Variants in OXCT1 observed in about 807,000 individuals in gnomAD.
OXCT1 encodes the protein 3-oxoacid CoA-transferase 1.
A neutral mutation model predicts 69.6 loss-of-function variants in OXCT1; 27 were observed. The ratio of observed to expected loss-of-function variants is 0.39; its 90% CI spans 0.29 to 0.54. The LOEUF is 0.54. Among genes scored for constraint, OXCT1 ranks in the 20% least tolerant of loss-of-function variants. OXCT1 has a pLI of 0.72. For synonymous variants in OXCT1, 202 were observed against 217.8 expected (o/e 0.93, Z 0.64); for missense variants, 437 against 650.2 (o/e 0.67, Z 3.57).
intron 14 of OXCT1, among the ~76,000 whole-genome samples, chr5:41,755,696 T>C (rs766505739): frequency 3.3e-5 from 5 of 152,128 alleles, no homozygotes; most frequent in Non-Finnish European, 5.9e-5. Context: ...CAAGATAAGA[T>C]AGCTTTCAGC....
intron 13 of OXCT1, among the ~76,000 whole-genome samples, chr5:41,787,634 C>CAAAAAAAAAAAAAAAAAAA (rs765691863): frequency 3.7e-4 from 13 of 34,696 alleles, no homozygotes; most frequent in Admixed American, 5.1e-4. Flanking sequence ...AAGCATTAGG[C>CAAAAAAAAAAAAAAAAAAA]AAAAAAAAAA....
At chr5:41,814,253 G>A (rs1326685070) in intron 7 of OXCT1, among the ~76,000 whole-genome samples, 2 of 152,102 alleles carry the variant, frequency 1.3e-5, no homozygotes, top group African/African-American at 4.8e-5. Context: ...GAAATAAAAT[G>A]GGTCAGTGTC....
At chr5:41,844,971 C>A (rs765576436) in intron 5 of OXCT1, among the ~76,000 whole-genome samples, 1 of 151,820 alleles carries the variant, frequency 6.6e-6, no homozygotes, top group African/African-American at 2.4e-5. Context: ...ACCACCACCC[C>A]AGCAGCCACA....
At chr5:41,858,941 T>C (rs946546030) in intron 3 of OXCT1, among the ~76,000 whole-genome samples, 2 of 152,232 alleles carry the variant, frequency 1.3e-5, no homozygotes, top group Non-Finnish European at 2.9e-5. Flanking sequence ...TCATTTTCTA[T>C]GTGGTTTCAA....
chr5:41,781,653 T>C (rs1745406936), intron 13 of OXCT1, among the ~76,000 whole-genome samples: 1 of 152,144 alleles, frequency 6.6e-6, no homozygotes, highest in Non-Finnish European at 1.5e-5. Context: ...CCCCCAGTGG[T>C]GTCCATGTGT....
intron 15 of OXCT1, among the ~76,000 whole-genome samples, chr5:41,744,689 T>C (rs1006590134): frequency 2.0e-5 from 3 of 152,156 alleles, no homozygotes; most frequent in Non-Finnish European, 4.4e-5. Context: ...TGTCGAATTT[T>C]GTCAAAGGCC....
intron 7 of OXCT1, among the ~76,000 whole-genome samples, chr5:41,820,403 T>C (rs1747490231): frequency 6.6e-6 from 1 of 152,154 alleles, no homozygotes; most frequent in Admixed American, 6.5e-5. Context: ...AAAGAAAATC[T>C]ACTTCTAGAA....
intron 11 of OXCT1, among the ~76,000 whole-genome samples, chr5:41,795,072 G>A (rs890220900): frequency 1.6e-4 from 24 of 152,168 alleles, no homozygotes; most frequent in African/African-American, 5.8e-4. Flanking sequence ...TCCACAGACT[G>A]GGGGATGGGG....
rs560488756 is a variant in OXCT1 at position 41,828,625 on chromosome 5, C to G, written c.732+11826G>C. Reference sequence around the variant, plus strand: ...ACACAAATTTTTTGCACAAGATCTTCCCTTCATAGAAGCCCCAAAACCAGT... The same window carrying G: ...ACACAAATTTTTTGCACAAGATCTTGCCTTCATAGAAGCCCCAAAACCAGT... On this transcript the variant is annotated intron_variant, in intron 7 of 16. Coordinates refer to ENST00000196371, the MANE Select transcript of OXCT1 (RefSeq NM_000436.4). Among the ~76,000 whole-genome samples, 3 of 152,314 alleles carry G rather than the reference C, an allele frequency of 2.0e-5. No homozygotes were observed. The South Asian group carries it at 6.2e-4, about 32-fold the overall frequency.
intron 6 of OXCT1, 75 bp downstream of exon 6, chr5:41,842,600 A>T: frequency 9.5e-7 from 1 of 1,054,804 alleles, no homozygotes; most frequent in Non-Finnish European, 1.5e-6. Flanking sequence ...ATACATTTTT[A>T]AATTCCAAAT....
At chr5:41,781,922 C>G (rs1745422751) in intron 13 of OXCT1, among the ~76,000 whole-genome samples, 1 of 152,080 alleles carries the variant, frequency 6.6e-6, no homozygotes, top group African/African-American at 2.4e-5. Flanking sequence ...ACATAACACA[C>G]ACGTTTCTTT....
At chr5:41,784,409 A>G (rs927222362) in intron 13 of OXCT1, among the ~76,000 whole-genome samples, 4 of 152,216 alleles carry the variant, frequency 2.6e-5, no homozygotes, top group African/African-American at 9.6e-5. Flanking sequence ...CCCACCATGA[A>G]TAAGAGTCAT....
At chr5:41,836,297 G>A (rs957319760) in intron 7 of OXCT1, among the ~76,000 whole-genome samples, 1 of 152,212 alleles carries the variant, frequency 6.6e-6, no homozygotes, top group Non-Finnish European at 1.5e-5. Flanking sequence ...ATGCGCCCAT[G>A]TGCACTATTT....
At chr5:41,775,175 C>T (rs891536804) in intron 13 of OXCT1, among the ~76,000 whole-genome samples, 1 of 152,122 alleles carries the variant, frequency 6.6e-6, no homozygotes, top group Non-Finnish European at 1.5e-5. Flanking sequence ...TCACTTCTGA[C>T]CCTAACTACC....
intron 4 of OXCT1, among the ~76,000 whole-genome samples, chr5:41,850,977 T>C (rs2112442824): frequency 6.6e-6 from 1 of 152,210 alleles, no homozygotes; most frequent in East Asian, 1.9e-4. Context: ...GTTACAACAG[T>C]CTTACTAGAA....
chr5:41,801,467 G>A lies in OXCT1; in HGVS notation c.1051-397C>T, dbSNP rs549075639. Among the ~76,000 whole-genome samples, 4 of 152,250 alleles carry A rather than the reference G, an allele frequency of 2.6e-5. No homozygotes were observed. In the South Asian group the frequency reaches 6.2e-4, roughly 24 times the overall value. ...TCAGCATTTTGGGAGGCTGAAGCAG[G>A]AGGATCACTTGAGGCCAGTTCAAAA... On this transcript the variant is annotated intron_variant, in intron 10 of 16. Coordinates refer to ENST00000196371, the MANE Select transcript of OXCT1 (RefSeq NM_000436.4).
At chr5:41,745,576 A>C (rs1440634383) in intron 15 of OXCT1, among the ~76,000 whole-genome samples, 1 of 152,190 alleles carries the variant, frequency 6.6e-6, no homozygotes, top group Non-Finnish European at 1.5e-5. Context: ...GGAAATAGAC[A>C]CAAAAAACCC....
chr5:41,739,879 A>C (rs1346655120), intron 15 of OXCT1, among the ~76,000 whole-genome samples: 2 of 151,928 alleles, frequency 1.3e-5, no homozygotes, highest in Non-Finnish European at 2.9e-5. Context: ...TCAAAAAAAA[A>C]AAAAAAAGGA....
chr5:41,794,564 TA>T, intron 12 of OXCT1, 112 bp downstream of exon 12: 1 of 933,576 alleles, frequency 1.1e-6, no homozygotes. Flanking sequence ...AAACTCCTGA[TA>T]GTTTTCTGGC....
Sources: gnomAD v4.1 joint callset for allele counts (sites outside exome capture counted in the v4.1 genomes callset) on GRCh38, gnomAD v4.1.1 for gene constraint, MANE v1.5 for transcripts, NCBI Gene and HGNC (gene_info 2026-07-23, HGNC 2026-07-21) for gene names.